Variants in PACRG observed in about 807,000 individuals in gnomAD.
PACRG encodes the protein parkin coregulated.
In PACRG, 29 loss-of-function variants were observed where a neutral mutation model predicts 29.7. The observed-to-expected ratio is 0.98, with a 90% CI of 0.73 to 1.33. The LOEUF (loss-of-function observed/expected upper bound fraction) is 1.33, where lower values mean the gene tolerates loss of function less well. PACRG is among the 40% of genes most tolerant of loss of function. PACRG has a pLI of 0.00. For synonymous variants in PACRG, 116 were observed against 118.7 expected (o/e 0.98, Z 0.15); for missense variants, 279 against 316.2 (o/e 0.88, Z 0.89).
chr6:163,252,282 T>G (rs1451496522), intron 4 of PACRG, among the ~76,000 whole-genome samples: 1 of 152,240 alleles, frequency 6.6e-6, no homozygotes, highest in Non-Finnish European at 1.5e-5. Context: ...TCGCTGACGC[T>G]CGGCCAGGCG....
intron 2 of PACRG, among the ~76,000 whole-genome samples, chr6:162,886,391 CG>C (rs909852605): frequency 2.0e-5 from 3 of 152,176 alleles, no homozygotes; most frequent in African/African-American, 7.2e-5. Flanking sequence ...TCATTTATTC[CG>C]GGTTTTTCCT....
chr6:162,798,285 T>C (rs1272840214), intron 1 of PACRG, among the ~76,000 whole-genome samples: 2 of 152,156 alleles, frequency 1.3e-5, no homozygotes, highest in African/African-American at 4.8e-5. Context: ...GATCCACAAA[T>C]GGATGTGAAG....
chr6:163,020,033 G>T (rs1806465551), intron 2 of PACRG, among the ~76,000 whole-genome samples: 1 of 152,156 alleles, frequency 6.6e-6, no homozygotes, highest in Non-Finnish European at 1.5e-5. Context: ...GCAAAAACAG[G>T]AATCCTTAGA....
At chr6:163,057,614 A>T (rs1403692875) in intron 2 of PACRG, among the ~76,000 whole-genome samples, 3 of 152,130 alleles carry the variant, frequency 2.0e-5, no homozygotes, top group Non-Finnish European at 4.4e-5. Flanking sequence ...GGGTCTCAAT[A>T]TGTTGTCCAG....
rs565893524 is a variant in PACRG, at chr6:162,728,074, A to G, written c.-162A>G. On this transcript the variant is annotated 5_prime_UTR_variant, in exon 1 of 5. Coordinates refer to ENST00000366888, the MANE Select transcript of PACRG (RefSeq NM_001080379.2). ...CCCTAGGGTCCAGCTCCCTTCACCTAGGAGCTGCCAAACATCTGGATCAAC... is the reference window on the plus strand; with the variant it reads ...CCCTAGGGTCCAGCTCCCTTCACCTGGGAGCTGCCAAACATCTGGATCAAC... The G allele has an allele frequency of 1.5e-5, 13 of 849,394 alleles. No homozygotes were observed. The South Asian group carries it at 2.2e-4, about 14-fold the overall frequency. 52.6% of individuals were successfully genotyped at this position (849,394 alleles called of 1,614,324 possible).
chr6:163,194,140 T>G (rs1024813590), intron 4 of PACRG, among the ~76,000 whole-genome samples: 1 of 152,096 alleles, frequency 6.6e-6, no homozygotes, highest in Non-Finnish European at 1.5e-5. Flanking sequence ...TAAGACTGTT[T>G]CTTAATACTA....
chr6:163,270,391 T>G (rs13200222), intron 4 of PACRG, among the ~76,000 whole-genome samples: 33,682 of 152,040 alleles, frequency 0.22, 4,150 homozygotes, highest in Middle Eastern at 0.32. Flanking sequence ...TAAATTTCAG[T>G]GATAAGGTCT....
chr6:163,136,053 T>G (rs749309472), intron 4 of PACRG, among the ~76,000 whole-genome samples: 26 of 152,254 alleles, frequency 1.7e-4, no homozygotes, highest in Non-Finnish European at 3.4e-4. Flanking sequence ...GACTTTAGTT[T>G]TTGTGCCTAT....
At chr6:162,847,880 GC>G in intron 2 of PACRG, among the ~76,000 whole-genome samples, 1 of 152,092 alleles carries the variant, frequency 6.6e-6, no homozygotes, top group Non-Finnish European at 1.5e-5. Flanking sequence ...TATATCAAAG[GC>G]TAGTGAGAAG....
intron 2 of PACRG, among the ~76,000 whole-genome samples, chr6:162,868,829 G>C (rs946155869): frequency 2.0e-5 from 3 of 152,174 alleles, no homozygotes; most frequent in Non-Finnish European, 2.9e-5. Flanking sequence ...ACTGAAAAAG[G>C]ACACAGGCTC....
At chr6:162,791,203 C>T (rs1020154420) in intron 1 of PACRG, among the ~76,000 whole-genome samples, 2 of 151,764 alleles carry the variant, frequency 1.3e-5, no homozygotes, top group Non-Finnish European at 2.9e-5. Flanking sequence ...AGATACTTAA[C>T]TTAGATTGTA....
chr6:163,237,488 T>C (rs1475428035), intron 4 of PACRG, among the ~76,000 whole-genome samples: 1 of 152,202 alleles, frequency 6.6e-6, no homozygotes, highest in Non-Finnish European at 1.5e-5. Context: ...TAGTTCATGT[T>C]TTCTCTTGCT....
chr6:162,862,274 AG>A (rs1203427493), intron 2 of PACRG, among the ~76,000 whole-genome samples: 1 of 152,208 alleles, frequency 6.6e-6, no homozygotes, highest in Non-Finnish European at 1.5e-5. Flanking sequence ...ATAGGGGCGA[AG>A]GAGAAAGACG....
At chr6:163,081,927 A>G (rs896606203) in intron 3 of PACRG, among the ~76,000 whole-genome samples, 3 of 152,198 alleles carry the variant, frequency 2.0e-5, no homozygotes, top group African/African-American at 7.2e-5. Flanking sequence ...TCACCTGACC[A>G]AAAAAGGAGA....
rs529806606 is a variant in PACRG, at chr6:163,312,844, C to T, written c.614-1983C>T. On this transcript the variant is annotated intron_variant, in intron 4 of 4. Transcript: ENST00000366888. ...CATGGCTCGTTGCAACCTCGACCAC[C>T]TGGGCTCAAGTGATCCTCCCACCTC... is the stretch of plus-strand genomic sequence containing the variant. 39 of 419,644 alleles carry T rather than the reference C, an allele frequency of 9.3e-5. 1 individual carries two copies. The East Asian group carries it at 1.2e-3, about 13-fold the overall frequency. 26.0% of individuals were successfully genotyped at this position (419,644 alleles called of 1,614,324 possible).
At chr6:163,103,898 G>A (rs1213948283) in intron 4 of PACRG, among the ~76,000 whole-genome samples, 2 of 152,156 alleles carry the variant, frequency 1.3e-5, no homozygotes, top group Non-Finnish European at 2.9e-5. Flanking sequence ...TCACAGGGCA[G>A]GAATGAACCA....
intron 3 of PACRG, among the ~76,000 whole-genome samples, chr6:163,078,585 A>G (rs1812771867): frequency 1.3e-5 from 2 of 152,152 alleles, no homozygotes; most frequent in African/African-American, 2.4e-5. Flanking sequence ...ATGTAAGGTT[A>G]TAAGTGTTAT....
chr6:162,737,675 A>C (rs1780271377), intron 1 of PACRG, among the ~76,000 whole-genome samples: 1 of 152,126 alleles, frequency 6.6e-6, no homozygotes, highest in African/African-American at 2.4e-5. Flanking sequence ...TAATTCCCAG[A>C]ATGTTTATTT....
chr6:163,264,967 A>G (rs13205335), intron 4 of PACRG, among the ~76,000 whole-genome samples: 38,264 of 152,128 alleles, frequency 0.25, 5,104 homozygotes, highest in Admixed American at 0.33. Context: ...TAAACTAGTA[A>G]GCTGGGAATG....
Sources: gnomAD v4.1 joint callset for allele counts (sites outside exome capture counted in the v4.1 genomes callset) on GRCh38, gnomAD v4.1.1 for gene constraint, MANE v1.5 for transcripts, NCBI Gene and HGNC (gene_info 2026-07-23, HGNC 2026-07-21) for gene names.